Variants in USP32 observed in about 807,000 individuals in gnomAD.
USP32 encodes the protein ubiquitin specific peptidase 32.
In USP32, 59 loss-of-function variants were observed where a neutral mutation model predicts 204.8. The observed-to-expected ratio is 0.29, with a 90% CI of 0.23 to 0.36. The LOEUF (loss-of-function observed/expected upper bound fraction) is 0.36. Among genes scored for constraint, USP32 ranks in the 10% least tolerant of loss-of-function variants. The pLI, the probability that USP32 is intolerant of heterozygous loss-of-function variation, is 1.00. For missense variants in USP32, 1,160 were observed against 1,946.4 expected, an observed-to-expected ratio of 0.60 and a Z score of 7.60; for synonymous variants, 517 against 678.4, an observed-to-expected ratio of 0.76 and a Z score of 3.70.
rs370986882 is a variant in USP32 at position 60,201,371 on chromosome 17, A to C, written c.3250-2927T>G. On this transcript the variant is annotated intron_variant, in intron 26 of 33. Transcript: ENST00000300896. ...AATGGTGCTACGAATATTCTTGTAC[A>C]TATCTCCTGGTACACATATCTCTTG... Among the ~76,000 whole-genome samples, 3 of 152,184 alleles carry C rather than the reference A, an allele frequency of 2.0e-5. No homozygotes were observed. The East Asian group carries it at 5.8e-4, about 29-fold the overall frequency.
At chr17:60,392,551 G>A (rs2089861182), upstream of USP32, 3 of 415,948 alleles carry the variant, frequency 7.2e-6, no homozygotes, top group South Asian at 5.0e-5. Context: ...CGGTTAGTGT[G>A]GCAGTTGCCG....
chr17:60,377,931 A>C (rs983203253), intron 1 of USP32, among the ~76,000 whole-genome samples: 5 of 152,198 alleles, frequency 3.3e-5, no homozygotes, highest in Admixed American at 1.3e-4. Context: ...TCAAAATTAA[A>C]AACTTTTGGG....
chr17:60,327,546 C>A (rs1394903089), intron 2 of USP32, among the ~76,000 whole-genome samples: 5 of 143,842 alleles, frequency 3.5e-5, no homozygotes, highest in Non-Finnish European at 7.5e-5. Flanking sequence ...AGCAGAAGAG[C>A]AGCACGGTTG....
At chr17:60,219,109 T>C (rs2145554682) in intron 16 of USP32, among the ~76,000 whole-genome samples, 1 of 152,342 alleles carries the variant, frequency 6.6e-6, no homozygotes, top group Non-Finnish European at 1.5e-5. Context: ...AAAATATGCC[T>C]TTTGCTCTGT....
chr17:60,259,350 T>G (rs1436525170), intron 9 of USP32, among the ~76,000 whole-genome samples: 1 of 152,188 alleles, frequency 6.6e-6, no homozygotes, highest in Non-Finnish European at 1.5e-5. Flanking sequence ...TTGTTTGTAT[T>G]GTAAACAATT....
intron 2 of USP32, among the ~76,000 whole-genome samples, chr17:60,338,554 A>G (rs188849860): frequency 4.7e-4 from 72 of 152,072 alleles, no homozygotes; most frequent in African/African-American, 1.7e-3. Context: ...ACATGGTGAA[A>G]CCCCATCCCT....
intron 25 of USP32, among the ~76,000 whole-genome samples, chr17:60,206,387 C>T (rs1037255274): frequency 1.1e-4 from 17 of 149,538 alleles, no homozygotes; most frequent in African/African-American, 2.8e-4. Context: ...ACATCTCAAG[C>T]GCTTAACAGT....
At chr17:60,274,188 C>A (rs920732998) in intron 5 of USP32, among the ~76,000 whole-genome samples, 4 of 151,960 alleles carry the variant, frequency 2.6e-5, no homozygotes, top group African/African-American at 9.7e-5. Context: ...CCCTAGAGGA[C>A]TTAACAGCCA....
At position 60,246,411 on chromosome 17, in the gene USP32, A is replaced by ATTT. The variant is rs199852454; in HGVS notation, c.1136+5969_1136+5970insAAA. Among the ~76,000 whole-genome samples the ATTT allele has an allele frequency of 5.5e-3, 797 of 145,854 alleles. 11 individuals carry two copies. Among genetic ancestry groups the ATTT allele is most frequent in the African/African-American group, 0.02 (750 of 37,252 alleles). On this transcript the variant is annotated intron_variant, in intron 11 of 33. Transcript: ENST00000300896. ...TGTATGTGTGTGTGTATATATATAT[A>ATTT]TATTTTTTTTTTTTCTTTATCCATT... is the stretch of plus-strand genomic sequence containing the variant.
chr17:60,361,032 G>A (rs1007769849), intron 1 of USP32, among the ~76,000 whole-genome samples: 1 of 152,092 alleles, frequency 6.6e-6, no homozygotes. Context: ...GGGAGACTGA[G>A]GCAGGAAAAT....
chr17:60,376,586 C>A (rs4047741), intron 1 of USP32, among the ~76,000 whole-genome samples: 1 of 151,412 alleles, frequency 6.6e-6, no homozygotes, highest in African/African-American at 2.4e-5. Flanking sequence ...TGCAGTGAGG[C>A]AATCTTGGCT....
chr17:60,289,847 T>C (rs2087224913), intron 4 of USP32, among the ~76,000 whole-genome samples: 1 of 152,196 alleles, frequency 6.6e-6, no homozygotes, highest in Non-Finnish European at 1.5e-5. Context: ...ATAGACATGC[T>C]AAAGAATACG....
At chr17:60,349,596 A>AATATATATATATATATATATATAT (rs1187939098) in intron 1 of USP32, among the ~76,000 whole-genome samples, 1 of 65,202 alleles carries the variant, frequency 1.5e-5, no homozygotes, top group Non-Finnish European at 2.5e-5. Context: ...AAAAAAAAAA[A>AATATATATATATATATATATATAT]ATATATATAT....
intron 5 of USP32, among the ~76,000 whole-genome samples, chr17:60,280,344 A>G (rs985403699): frequency 6.6e-6 from 1 of 151,914 alleles, no homozygotes; most frequent in Non-Finnish European, 1.5e-5. Flanking sequence ...TAATCCACCC[A>G]CCTCAGCCTC....
intron 1 of USP32, among the ~76,000 whole-genome samples, chr17:60,354,818 G>A (rs769370074): frequency 6.6e-6 from 1 of 152,228 alleles, no homozygotes; most frequent in Non-Finnish European, 1.5e-5. Context: ...GGCTGAGGCA[G>A]GCAGATCGCT....
At position 60,391,960 on chromosome 17, in the gene USP32, G is replaced by T. The variant is rs754349370; in HGVS notation, c.-21C>A. On this transcript the variant is annotated 5_prime_UTR_variant, in exon 1 of 34. Transcript: ENST00000300896. Reference sequence around the variant, plus strand: ...CCCATGCTCCCCTCATCCCCTCGGCGGGGGGTCGGAGCCTGATCTCGCCCC... The same window carrying T: ...CCCATGCTCCCCTCATCCCCTCGGCTGGGGGTCGGAGCCTGATCTCGCCCC... 9 of 1,605,174 alleles carry T rather than the reference G, an allele frequency of 5.6e-6. No homozygotes were observed. The Admixed American group carries it at 1.0e-4, about 18-fold the overall frequency.
chr17:60,420,475 G>A (rs1462874325), intron 1 of USP32, among the ~76,000 whole-genome samples: 1 of 152,000 alleles, frequency 6.6e-6, no homozygotes, highest in Non-Finnish European at 1.5e-5. Context: ...AGACACCAGC[G>A]TGACCAACAT....
intron 9 of USP32, among the ~76,000 whole-genome samples, chr17:60,256,448 A>C (rs1276214278): frequency 1.3e-5 from 2 of 152,148 alleles, no homozygotes; most frequent in Non-Finnish European, 2.9e-5. Context: ...TTTTCCACCC[A>C]AATCAGTACA....
rs368695718 is a variant in USP32 at position 60,326,765 on chromosome 17, G to A, written c.186+18716C>T. ...CAGAGTATAAAATATTCCCCCCAAA[G>A]AGACTTACTAAGTTTTATGAAAATA... On this transcript the variant is annotated intron_variant, in intron 2 of 33. Coordinates refer to ENST00000300896, the MANE Select transcript of USP32 (RefSeq NM_032582.4). 2.0e-4 allele frequency among the ~76,000 whole-genome samples: 30 copies of A among 152,252 alleles called. 1 individual carries two copies. In the South Asian group the frequency reaches 3.9e-3, roughly 20 times the overall value.
Sources: gnomAD v4.1 joint callset for allele counts (sites outside exome capture counted in the v4.1 genomes callset) on GRCh38, gnomAD v4.1.1 for gene constraint, MANE v1.5 for transcripts, NCBI Gene and HGNC (gene_info 2026-07-23, HGNC 2026-07-21) for gene names.